WDR49: variants seen among roughly 807,000 people sequenced by gnomAD.
WDR49 encodes cilia- and flagella-associated protein 337.
WDR49 carries 107 observed loss-of-function variants against 119.5 expected under a neutral mutation model. The ratio of observed to expected loss-of-function variants is 0.90; its 90% CI spans 0.77 to 1.05. The LOEUF (loss-of-function observed/expected upper bound fraction) is 1.05, where lower values mean the gene tolerates loss of function less well. Ranked by LOEUF, WDR49 falls within the 50% of genes least tolerant of loss-of-function variation. The probability of loss-of-function intolerance (pLI) is 0.00; values close to 1 mark genes in which losing one functional copy is unlikely to be tolerated. For missense variants in WDR49, 1,240 were observed against 1,220.5 expected (o/e 1.02, Z -0.24); for synonymous variants, 425 against 418.8 (o/e 1.01, Z -0.18).
chr3:167,601,981 A>G, intron 7 of WDR49, 146 bp downstream of exon 7: 1 of 1,055,288 alleles, frequency 9.5e-7, no homozygotes, highest in Non-Finnish European at 1.3e-6. Context: ...CACCTTTTCC[A>G]AATATAGACT....
chr3:167,625,873 C>T (rs1055516292), intron 3 of WDR49, among the ~76,000 whole-genome samples: 3 of 145,370 alleles, frequency 2.1e-5, no homozygotes, highest in African/African-American at 7.7e-5. Flanking sequence ...TTCTAAAGGA[C>T]AAACCTTGGT....
chr3:167,542,516 A>G (rs1711908187), intron 10 of WDR49, among the ~76,000 whole-genome samples: 1 of 152,188 alleles, frequency 6.6e-6, no homozygotes, highest in Non-Finnish European at 1.5e-5. Context: ...ATGAAAATTA[A>G]GTAATCTGCT....
intron 2 of WDR49, among the ~76,000 whole-genome samples, chr3:167,642,304 A>C (rs1397530816): frequency 1.3e-5 from 2 of 151,990 alleles, no homozygotes; most frequent in Non-Finnish European, 2.9e-5. Context: ...ATGCAAAAAA[A>C]CTGCAAATAA....
intron 16 of WDR49, among the ~76,000 whole-genome samples, chr3:167,515,161 C>G (rs1752151986): frequency 6.6e-6 from 1 of 152,132 alleles, no homozygotes; most frequent in Admixed American, 6.6e-5. Context: ...ATACCAAAAC[C>G]TGGTCAAGAC....
intron 3 of WDR49, among the ~76,000 whole-genome samples, chr3:167,624,914 G>A (rs1259067142): frequency 6.6e-6 from 1 of 152,058 alleles, no homozygotes; most frequent in African/African-American, 2.4e-5. Flanking sequence ...CTGAAGCATA[G>A]GCCTGAAGTT....
intron 18 of WDR49, among the ~76,000 whole-genome samples, chr3:167,491,527 G>A (rs912018327): frequency 6.6e-6 from 1 of 152,044 alleles, no homozygotes; most frequent in Non-Finnish European, 1.5e-5. Context: ...CCTGTTTAAT[G>A]AACTTTCTCC....
At chr3:167,556,630 A>T (rs1712943253) in intron 9 of WDR49, among the ~76,000 whole-genome samples, 1 of 152,222 alleles carries the variant, frequency 6.6e-6, no homozygotes, top group African/African-American at 2.4e-5. Context: ...TCATGCCTGT[A>T]ATTACAGCTT....
Position 167,621,544 on chromosome 3 carries a change from G to A in WDR49, c.706C>T (p.Pro236Ser), listed in dbSNP as rs1218408335. Residue 236 changes from proline (P) to serine (S), a missense_variant, in exon 4 of 19, where the codon CCA becomes TCA. Physicochemically the swap from Pro to Ser is moderately conservative, Grantham distance 74 (BLOSUM62 -1). Transcript: ENST00000682715. Reference sequence around the variant, plus strand: ...TCATACCAATAATCCATGCAAATTGGTGTTCCTTTCAGGCCTTGGAGTTTG... The same window carrying A: ...TCATACCAATAATCCATGCAAATTGATGTTCCTTTCAGGCCTTGGAGTTTG... ...QYKLQGLKGT[P>S]ICMDYWYDPL... The A allele has an allele frequency of 1.3e-6, 2 of 1,535,514 alleles. No individual in the cohort carries two copies. Among genetic ancestry groups the A allele is most frequent in the East Asian group, 2.4e-5 (1 of 40,888 alleles).
intron 18 of WDR49, among the ~76,000 whole-genome samples, chr3:167,495,741 C>A (rs981796748): frequency 6.6e-6 from 1 of 151,660 alleles, no homozygotes; most frequent in Admixed American, 6.6e-5. Flanking sequence ...AGTACTTAGA[C>A]TCATCACAGT....
chr3:167,551,342 G>GA (rs1174670297), intron 10 of WDR49, among the ~76,000 whole-genome samples: 3 of 151,546 alleles, frequency 2.0e-5, no homozygotes, highest in South Asian at 4.2e-4. Flanking sequence ...AAGGAAAGGG[G>GA]AAAAAAAGAG....
intron 3 of WDR49, 48 bp from the exon 4 acceptor site, chr3:167,621,691 C>A (rs902718943): frequency 6.8e-6 from 10 of 1,473,020 alleles, no homozygotes; most frequent in Middle Eastern, 1.8e-4. Context: ...ATGGATTTAG[C>A]AAAATTAATA....
intron 2 of WDR49, among the ~76,000 whole-genome samples, chr3:167,639,957 C>A (rs1717802458): frequency 6.6e-6 from 1 of 151,738 alleles, no homozygotes; most frequent in Non-Finnish European, 1.5e-5. Flanking sequence ...TCCCTCTATA[C>A]TACTAGGAAT....
chr3:167,575,888 GGA>G (rs768529202), intron 8 of WDR49, 28 bp downstream of exon 8: 16 of 1,604,540 alleles, frequency 1.0e-5, no homozygotes, highest in Non-Finnish European at 1.3e-5. Flanking sequence ...AGATATGTTA[GGA>G]GAGTGAAAGA....
intron 2 of WDR49, among the ~76,000 whole-genome samples, chr3:167,641,394 A>T (rs1290848302): frequency 6.6e-6 from 1 of 151,948 alleles, no homozygotes; most frequent in African/African-American, 2.4e-5. Context: ...TTACAGAAAG[A>T]TAAGATGAAG....
chr3:167,536,712 C>CACATATAT (rs142755774), intron 11 of WDR49, among the ~76,000 whole-genome samples, 158 bp downstream of exon 11: 1 of 136,896 alleles, frequency 7.3e-6, no homozygotes, highest in African/African-American at 2.7e-5. Flanking sequence ...TATACACACA[C>CACATATAT]ATATATATAT....
At position 167,531,105 on chromosome 3, in the gene WDR49, T is replaced by C; in HGVS notation, c.2218+10A>G. 5 of 1,604,018 alleles carry C rather than the reference T, an allele frequency of 3.1e-6. No individual in the cohort carries two copies. Among genetic ancestry groups the C allele is most frequent in the Non-Finnish European group, 3.4e-6 (4 of 1,176,432 alleles). On this transcript the variant is annotated intron_variant, in intron 13 of 18. Coordinates refer to ENST00000682715, the MANE Select transcript of WDR49 (RefSeq NM_001366157.1). Reference sequence around the variant, plus strand: ...TCCAACTATATGTAAAATGTAAATATATATTTTACCTGTCACTGCAGTGTT... The same window carrying C: ...TCCAACTATATGTAAAATGTAAATACATATTTTACCTGTCACTGCAGTGTT...
rs1282077217 is a variant in WDR49, at chr3:167,478,817, GATGCTT to G, written c.*55_*60del. 8.6e-7 allele frequency: 1 copy of G among 1,166,302 alleles called. No homozygotes were observed. The highest frequency in any genetic ancestry group is 1.2e-6 in the Non-Finnish European group (1 of 825,138). 72.2% of individuals were successfully genotyped at this position (1,166,302 alleles called of 1,614,324 possible). On this transcript the variant is annotated 3_prime_UTR_variant, in exon 19 of 19. Transcript: ENST00000682715. Reference sequence around the variant, plus strand: ...AAATAAAATAAAAGGCAGAATTCTTGATGCTTTTTCTGCATTTTATATCTGTACCTT... The same window carrying G: ...AAATAAAATAAAAGGCAGAATTCTTGTTTCTGCATTTTATATCTGTACCTT...
intron 15 of WDR49, among the ~76,000 whole-genome samples, chr3:167,522,852 T>C (rs894474073): frequency 2.6e-5 from 4 of 152,196 alleles, no homozygotes; most frequent in African/African-American, 9.6e-5. Context: ...ATTTATTCCC[T>C]CAACTACTTT....
At chr3:167,645,336 G>A (rs1288643487) in intron 2 of WDR49, among the ~76,000 whole-genome samples, 4 of 151,782 alleles carry the variant, frequency 2.6e-5, no homozygotes, top group African/African-American at 9.7e-5. Context: ...TCAGCCTCCC[G>A]AGTAGCTGGG....
Sources: allele counts gnomAD v4.1 joint callset (sites outside exome capture counted in the v4.1 genomes callset), GRCh38; gene constraint gnomAD v4.1.1; transcripts MANE v1.5; gene names NCBI Gene and HGNC (gene_info 2026-07-23, HGNC 2026-07-21).